Variants in ZNF548 observed in about 807,000 individuals in gnomAD.
The protein encoded by ZNF548 is zinc finger protein 548.
Under a neutral mutation model 10.2 loss-of-function variants are expected in ZNF548, and 10 were observed. The ratio of observed to expected loss-of-function variants is 0.98; its 90% CI spans 0.60 to 1.66. The LOEUF (loss-of-function observed/expected upper bound fraction) is 1.66, where lower values mean the gene tolerates loss of function less well. Among genes scored for constraint, ZNF548 ranks in the 40% most tolerant of loss-of-function variants. The probability of loss-of-function intolerance (pLI) is 0.00; values close to 1 mark genes in which losing one functional copy is unlikely to be tolerated. For missense variants in ZNF548, 599 were observed against 657.0 expected (o/e 0.91, Z 0.97); for synonymous variants, 217 against 223.5 (o/e 0.97, Z 0.26).
chr19:57,398,264 C>G, intron 3 of ZNF548, 166 bp from the exon 4 acceptor site: 1 of 1,382,018 alleles, frequency 7.2e-7, no homozygotes, highest in Non-Finnish European at 9.7e-7. Context: ...TGGGGCCTTG[C>G]CAGGCCCAGC....
chr19:57,391,787 C>CTT (rs2088627127), intron 1 of ZNF548, among the ~76,000 whole-genome samples: 1 of 112,874 alleles, frequency 8.9e-6, no homozygotes, highest in African/African-American at 3.0e-5. Flanking sequence ...CCTGTGCTTA[C>CTT]TGTTTTTTTT....
intron 1 of ZNF548, 183 bp downstream of exon 1, chr19:57,390,297 G>T (rs1030708781): frequency 3.5e-6 from 2 of 571,936 alleles, no homozygotes; most frequent in Non-Finnish European, 5.9e-6. Context: ...TCAGAGCATG[G>T]AGGCGCTGCC....
rs183523673 is a variant in ZNF548, at chr19:57,394,168, C to T, written c.16-20C>T. The stretch of plus-strand genomic sequence containing the variant: ...TCCTTCCATGGCTGTCAATTTCTCA[C>T]GGCCTTTCTCTTCCCTCAGGGTCCC... On this transcript the variant is annotated intron_variant, in intron 1 of 3. Transcript: ENST00000336128. The T allele has an allele frequency of 1.4e-5, 23 of 1,600,136 alleles. No individual in the cohort carries two copies. The highest frequency in any genetic ancestry group is 1.3e-4 in the South Asian group (12 of 90,004).
At chr19:57,394,360 A>T (rs867990786) in intron 2 of ZNF548, 137 bp downstream of exon 2, 1 of 901,602 alleles carries the variant, frequency 1.1e-6, no homozygotes, top group African/African-American at 1.7e-5. Flanking sequence ...CAGTATTACA[A>T]GTTGGCTGCT....
chr19:57,398,810 C>T lies in ZNF548; in HGVS notation c.559C>T (p.Gln187Ter). The part of the protein sequence containing the change: ...TSCLLQHQGP[Q>*]SEWKPYRDTE... Reference sequence around the variant, plus strand: ...ATGCCTTCTCCAGCACCAGGGCCCTCAAAGCGAGTGGAAGCCATACAGGGA... The same window carrying T: ...ATGCCTTCTCCAGCACCAGGGCCCTTAAAGCGAGTGGAAGCCATACAGGGA... The change falls in exon 4 of 4, where the codon CAA (glutamine) becomes TAA (stop). Residue 187 changes from glutamine (Q) to a stop codon, truncating the protein, a stop_gained. Transcript: ENST00000336128. LOFTEE classifies it low-confidence loss of function (END_TRUNC). 6.2e-7 allele frequency: 1 copy of T among 1,613,972 alleles called. No homozygotes were observed.
chr19:57,395,020 G>A lies in ZNF548; in HGVS notation c.51+797G>A, dbSNP rs1333284782. Reference sequence around the variant, plus strand: ...TGTCTCAGAGACTCCTGATGGAGGAGTTCAGGTTGGAGATGTCCACACTAT... The same window carrying A: ...TGTCTCAGAGACTCCTGATGGAGGAATTCAGGTTGGAGATGTCCACACTAT... On this transcript the variant is annotated intron_variant, in intron 2 of 3. Transcript: ENST00000336128. This position sits in a 1 kb window ranked among gnomAD's most constrained non-coding sequence, Gnocchi z 4.8. Among the ~76,000 whole-genome samples, 2 of 151,994 alleles carry A rather than the reference G, an allele frequency of 1.3e-5. No homozygotes were observed. Among genetic ancestry groups the A allele is most frequent in the South Asian group, 2.1e-4 (1 of 4,830 alleles).
Position 57,398,621 on chromosome 19 carries a change from T to A in ZNF548, c.370T>A (p.Tyr124Asn). 1.9e-6 allele frequency: 3 copies of A among 1,614,032 alleles called. No individual in the cohort carries two copies. The highest frequency in any genetic ancestry group is 1.1e-5 in the South Asian group (1 of 91,088). The change falls in exon 4 of 4, where the codon TAT (tyrosine) becomes AAT (asparagine). Residue 124 changes from tyrosine to asparagine, a missense_variant. Physicochemically the swap from Tyr to Asn is moderately radical, Grantham distance 143. Coordinates refer to ENST00000336128, the MANE Select transcript of ZNF548 (RefSeq NM_001172773.2). ...TGGAATTCATCCTGAGCAACACATA[T>A]ATATTTGTGAGGCAGAGCTTTTTCA... Reference protein sequence around the residue: ...HNGIHPEQHIYICEAELFQHP... With the variant: ...HNGIHPEQHINICEAELFQHP...
chr19:57,395,233 G>A lies in ZNF548; in HGVS notation c.51+1010G>A, dbSNP rs112454717. 1.2e-4 allele frequency among the ~76,000 whole-genome samples: 19 copies of A among 152,074 alleles called. No homozygotes were observed. The highest frequency in any genetic ancestry group is 3.4e-3 in the Middle Eastern group (1 of 294). On this transcript the variant is annotated intron_variant, in intron 2 of 3. Coordinates refer to ENST00000336128, the MANE Select transcript of ZNF548 (RefSeq NM_001172773.2). The surrounding 1 kb of genome is among the most constrained non-coding windows in gnomAD (Gnocchi z 4.8). The stretch of plus-strand genomic sequence containing the variant: ...AATGAGGGAATGGAGTGTTTGTGGG[G>A]ATGAGTGTATGTGAGATGGTGGGGT...
chr19:57,391,076 T>C (rs2088620702), intron 1 of ZNF548, among the ~76,000 whole-genome samples: 1 of 152,236 alleles, frequency 6.6e-6, no homozygotes, highest in African/African-American at 2.4e-5. Context: ...ATGTACATTG[T>C]ATCCATTAAG....
At chr19:57,394,249 AC>A in intron 2 of ZNF548, 26 bp downstream of exon 2, 1 of 1,596,156 alleles carries the variant, frequency 6.3e-7, no homozygotes, top group East Asian at 2.2e-5. Flanking sequence ...CCTACTATTC[AC>A]CCACCCTGGT....
At position 57,393,965 on chromosome 19, in the gene ZNF548, G is replaced by T. The variant is rs569059058; in HGVS notation, c.16-223G>T. The stretch of plus-strand genomic sequence containing the variant: ...TGATACTAATATGAGCCCTGTGAGG[G>T]GGCAGCTATTCTTGCAATCTATTTA... On this transcript the variant is annotated intron_variant, in intron 1 of 3. Transcript: ENST00000336128. 13 of 617,984 alleles carry T rather than the reference G, an allele frequency of 2.1e-5. No homozygotes were observed. The East Asian group carries it at 2.8e-4, about 13-fold the overall frequency. 38.3% of individuals were successfully genotyped at this position (617,984 alleles called of 1,614,324 possible). A position where few individuals can be genotyped will look rare whatever the true frequency, so the allele number is the denominator to read the frequency against.
chr19:57,401,509 G>A lies in ZNF548; in HGVS notation c.*1620G>A, dbSNP rs1386560491. 1 of 152,066 alleles carries A rather than the reference G, an allele frequency of 6.6e-6. No homozygotes were observed. Among genetic ancestry groups the A allele is most frequent in the Non-Finnish European group, 1.5e-5 (1 of 68,022 alleles). The allele number at this position is 152,066 out of a possible 1,614,324, so 9.4% of individuals were successfully genotyped here. ...ATATTCAAACACTATGCCTTTTTAT[G>A]TGAGGGACCTCTTGAGCATCAGATG... On this transcript the variant is annotated 3_prime_UTR_variant, in exon 4 of 4. Coordinates refer to ENST00000336128, the MANE Select transcript of ZNF548 (RefSeq NM_001172773.2).
chr19:57,398,570 G>A lies in ZNF548; in HGVS notation c.319G>A (p.Asp107Asn), dbSNP rs1480826376. The A allele has an allele frequency of 1.9e-6, 3 of 1,613,958 alleles. No individual in the cohort carries two copies. The highest frequency in any genetic ancestry group is 2.7e-5 in the African/African-American group (2 of 74,940). ...PSETCGPPLK[D>N]ILCLVEHNGI... The stretch of plus-strand genomic sequence containing the variant: ...TGAGACATGTGGCCCACCCTTGAAA[G>A]ACATTCTGTGCCTGGTTGAGCACAA... Residue 107 changes from aspartate to asparagine, a missense_variant, in exon 4 of 4, where the codon GAC (aspartate) becomes AAC (asparagine). Physicochemically the swap from Asp to Asn is conservative, Grantham distance 23. Coordinates refer to ENST00000336128, the MANE Select transcript of ZNF548 (RefSeq NM_001172773.2).
intron 2 of ZNF548, 129 bp downstream of exon 2, chr19:57,394,352 G>A: frequency 4.2e-6 from 4 of 962,474 alleles, no homozygotes; most frequent in Non-Finnish European, 6.1e-6. Flanking sequence ...GTTAGTTTCA[G>A]TATTACAAGT....
At chr19:57,396,456 G>A (rs1012836425) in intron 2 of ZNF548, among the ~76,000 whole-genome samples, 1 of 152,206 alleles carries the variant, frequency 6.6e-6, no homozygotes, top group Admixed American at 6.5e-5. Context: ...ACATTGGGAG[G>A]GTGTGGAAGA....
In ZNF548 at chr19:57,394,160, A is replaced by G. The variant is rs2088648541; in HGVS notation, c.16-28A>G. The G allele has an allele frequency of 1.9e-6, 3 of 1,598,074 alleles. 1 individual carries two copies. The highest frequency in any genetic ancestry group is 2.2e-5 in the South Asian group (2 of 89,750). ...CTGAAGGATCCTTCCATGGCTGTCA[A>G]TTTCTCACGGCCTTTCTCTTCCCTC... On this transcript the variant is annotated intron_variant, in intron 1 of 3. Coordinates refer to ENST00000336128, the MANE Select transcript of ZNF548 (RefSeq NM_001172773.2).
rs2088682914 is a variant in ZNF548 at position 57,398,453 on chromosome 19, G to A, written c.202G>A (p.Glu68Lys). The change falls in exon 4 of 4, where the codon GAG becomes AAG. Residue 68 changes from glutamate to lysine, a missense_variant. By Grantham distance (56) the Glu-to-Lys change is moderately conservative (BLOSUM62 1). Transcript: ENST00000336128. Reference sequence around the variant, plus strand: ...AGGTTCTTGGCATGGAGCTGAGGATGAGGAGGCACCTTCACAGCAAGGTTT... The same window carrying A: ...AGGTTCTTGGCATGGAGCTGAGGATAAGGAGGCACCTTCACAGCAAGGTTT... ...SLGSWHGAED[E>K]EAPSQQGFSV... 1.2e-6 allele frequency: 2 copies of A among 1,613,952 alleles called. No homozygotes were observed. Among genetic ancestry groups the A allele is most frequent in the Non-Finnish European group, 1.7e-6 (2 of 1,179,818 alleles).
intron 2 of ZNF548, among the ~76,000 whole-genome samples, chr19:57,396,448 A>T (rs541135928): frequency 4.6e-5 from 7 of 152,304 alleles, no homozygotes; most frequent in South Asian, 2.1e-4. Context: ...TCTCTTCCAC[A>T]TTGGGAGGGT....
At chr19:57,397,410 T>A (rs1433188629) in intron 3 of ZNF548, 2 of 538,748 alleles carry the variant, frequency 3.7e-6, no homozygotes, top group African/African-American at 3.8e-5. Context: ...CCAGAAATGT[T>A]GAATTTGGCA....
Sources: allele counts gnomAD v4.1 joint callset (sites outside exome capture counted in the v4.1 genomes callset), GRCh38; gene constraint gnomAD v4.1.1; non-coding constraint Gnocchi (gnomAD v3.1); transcripts MANE v1.5; gene names NCBI Gene and HGNC (gene_info 2026-07-23, HGNC 2026-07-21).